The following CCNJL variants were observed in gnomAD, a reference collection of about 807,000 sequenced individuals.
CCNJL encodes the protein cyclin-J-like protein.
CCNJL carries 33 observed loss-of-function variants against 33.4 expected under a neutral mutation model. The observed-to-expected ratio is 0.99, with a 90% CI of 0.75 to 1.32. CCNJL has a LOEUF of 1.32. Among genes scored for constraint, CCNJL ranks in the 40% most tolerant of loss-of-function variants. The pLI, the probability that CCNJL is intolerant of heterozygous loss-of-function variation, is 0.00. For missense variants in CCNJL, 512 were observed against 499.7 expected (o/e 1.02, Z -0.23); for synonymous variants, 227 against 220.9 (o/e 1.03, Z -0.24).
At chr5:160,264,644 C>T (rs527366861) in intron 3 of CCNJL, among the ~76,000 whole-genome samples, 62 of 151,992 alleles carry the variant, frequency 4.1e-4, no homozygotes, top group African/African-American at 1.1e-3. Flanking sequence ...CTCACAATGA[C>T]GGGCAGCCAT....
At chr5:160,254,202 G>A (rs1760952061) in intron 5 of CCNJL, 3 of 517,280 alleles carry the variant, frequency 5.8e-6, no homozygotes, top group Non-Finnish European at 1.0e-5. Flanking sequence ...AGTGTTCCTG[G>A]GGCCTGAATG....
chr5:160,299,324 G>A (rs1315877243), intron 2 of CCNJL, among the ~76,000 whole-genome samples: 2 of 151,856 alleles, frequency 1.3e-5, no homozygotes, highest in African/African-American at 4.8e-5. Flanking sequence ...TAATTTTTTT[G>A]TATTTTTAGT....
intron 1 of CCNJL, among the ~76,000 whole-genome samples, chr5:160,336,051 C>A (rs1042243371): frequency 4.6e-5 from 7 of 152,214 alleles, no homozygotes; most frequent in Admixed American, 6.5e-5. Flanking sequence ...TATTTGAATT[C>A]TTCCCCCTTG....
intron 1 of CCNJL, among the ~76,000 whole-genome samples, chr5:160,324,130 C>T (rs1763506936): frequency 6.6e-6 from 1 of 152,178 alleles, no homozygotes; most frequent in African/African-American, 2.4e-5. Context: ...GGTTCTGGTT[C>T]TCTAGAGAAA....
At position 160,251,015 on chromosome 5, in the gene CCNJL, T is replaced by C. The variant is rs1438892777; in HGVS notation, c.*2363A>G. The C allele has an allele frequency of 6.6e-6, 1 of 152,234 alleles. No homozygotes were observed. The highest frequency in any genetic ancestry group is 1.5e-5 in the Non-Finnish European group (1 of 68,036). 9.4% of individuals were successfully genotyped at this position (152,234 alleles called of 1,614,324 possible). A position where few individuals can be genotyped will look rare whatever the true frequency, so the allele number is the denominator to read the frequency against. On this transcript the variant is annotated 3_prime_UTR_variant, in exon 6 of 6. Coordinates refer to ENST00000257536, the MANE Select transcript of CCNJL (RefSeq NM_001308173.3). ...GTAAGTGGTGTGATCATTAAGTTTA[T>C]GTGGCAGCTTGGCTAGGCTACAGTG...
At chr5:160,302,997 G>T (rs1274228187) in intron 2 of CCNJL, among the ~76,000 whole-genome samples, 1 of 152,034 alleles carries the variant, frequency 6.6e-6, no homozygotes, top group Admixed American at 6.6e-5. Context: ...TGGGGACAAC[G>T]GTGGCAGGAA....
At chr5:160,278,867 T>C (rs761190294) in intron 3 of CCNJL, among the ~76,000 whole-genome samples, 4 of 152,188 alleles carry the variant, frequency 2.6e-5, no homozygotes, top group Non-Finnish European at 5.9e-5. Flanking sequence ...CAGCCGGAGA[T>C]GTTTCACAAG....
chr5:160,329,986 C>A (rs1763586153), intron 1 of CCNJL, among the ~76,000 whole-genome samples: 1 of 152,214 alleles, frequency 6.6e-6, no homozygotes, highest in African/African-American at 2.4e-5. Context: ...CTCTTTCCAA[C>A]ACAGACTCAT....
intron 3 of CCNJL, among the ~76,000 whole-genome samples, chr5:160,263,629 G>T (rs1761442913): frequency 6.6e-6 from 1 of 152,188 alleles, no homozygotes; most frequent in Admixed American, 6.5e-5. Flanking sequence ...CATAGCAGGA[G>T]TCCTAGGAAA....
upstream of CCNJL, among the ~76,000 whole-genome samples, chr5:160,313,676 T>C (rs1469164015): frequency 6.6e-6 from 1 of 152,116 alleles, no homozygotes; most frequent in Non-Finnish European, 1.5e-5. Flanking sequence ...AGGCTCTTAA[T>C]GAAGACATTA....
chr5:160,325,374 C>T (rs1389730515), intron 1 of CCNJL, among the ~76,000 whole-genome samples: 1 of 152,150 alleles, frequency 6.6e-6, no homozygotes, highest in Non-Finnish European at 1.5e-5. Context: ...CCTGCTTGCC[C>T]AATCTTATCG....
At chr5:160,268,142 T>TCATA (rs1274409759) in intron 3 of CCNJL, among the ~76,000 whole-genome samples, 1 of 152,240 alleles carries the variant, frequency 6.6e-6, no homozygotes, top group East Asian at 1.9e-4. Context: ...AAGGCACTGC[T>TCATA]CATACGCCCA....
At chr5:160,309,536 T>C (rs1374172862) in intron 2 of CCNJL, among the ~76,000 whole-genome samples, 3 of 152,312 alleles carry the variant, frequency 2.0e-5, no homozygotes, top group South Asian at 2.1e-4. Flanking sequence ...GTTAGAAACA[T>C]ATTATCAGAG....
At chr5:160,256,740 A>AC (rs1580942639) in intron 4 of CCNJL, among the ~76,000 whole-genome samples, 1 of 151,630 alleles carries the variant, frequency 6.6e-6, no homozygotes, top group African/African-American at 2.4e-5. Context: ...ACATGGTGAA[A>AC]CCCCCATCTC....
intron 3 of CCNJL, among the ~76,000 whole-genome samples, chr5:160,271,289 C>T (rs1178033081): frequency 6.6e-6 from 1 of 152,056 alleles, no homozygotes; most frequent in African/African-American, 2.4e-5. Flanking sequence ...CGATCAGGGG[C>T]TCCTGAACAC....
At chr5:160,300,800 C>T (rs1320163022) in intron 2 of CCNJL, among the ~76,000 whole-genome samples, 1 of 152,186 alleles carries the variant, frequency 6.6e-6, no homozygotes, top group African/African-American at 2.4e-5. Flanking sequence ...GGTGGGACTA[C>T]AGGTGCATGC....
At chr5:160,317,397 T>A (rs1209794575), upstream of CCNJL, among the ~76,000 whole-genome samples, 1 of 152,210 alleles carries the variant, frequency 6.6e-6, no homozygotes, top group Non-Finnish European at 1.5e-5. Context: ...CAGGGCCAGC[T>A]CCATCCATAT....
intron 2 of CCNJL, among the ~76,000 whole-genome samples, chr5:160,288,707 A>G (rs949975602): frequency 6.6e-6 from 1 of 151,752 alleles, no homozygotes; most frequent in Non-Finnish European, 1.5e-5. Context: ...TGTCTCTACT[A>G]AAAATACAAA....
intron 1 of CCNJL, among the ~76,000 whole-genome samples, chr5:160,339,215 C>A (rs576381664): frequency 6.6e-6 from 1 of 151,520 alleles, no homozygotes. Flanking sequence ...GCAATAAAAT[C>A]CAAGACATGG....
Sources: allele counts gnomAD v4.1 joint callset (sites outside exome capture counted in the v4.1 genomes callset), GRCh38; gene constraint gnomAD v4.1.1; transcripts MANE v1.5; gene names NCBI Gene and HGNC (gene_info 2026-07-23, HGNC 2026-07-21).